The following EPS15L1 variants were observed in gnomAD, a reference collection of about 807,000 sequenced individuals.
EPS15L1 encodes epidermal growth factor receptor substrate 15-like 1.
EPS15L1 carries 43 observed loss-of-function variants against 117.1 expected under a neutral mutation model. The ratio of observed to expected loss-of-function variants is 0.37; its 90% CI spans 0.29 to 0.47. The LOEUF is 0.47. Ranked by LOEUF, EPS15L1 falls within the 20% of genes least tolerant of loss-of-function variation. EPS15L1 has a pLI of 0.99. For synonymous variants in EPS15L1, 459 were observed against 470.5 expected, an observed-to-expected ratio of 0.98 and a Z score of 0.32; for missense variants, 981 against 1,164.0, an observed-to-expected ratio of 0.84 and a Z score of 2.29.
intron 7 of EPS15L1, 89 bp downstream of exon 7, chr19:16,434,276 C>T (rs1278877129): frequency 6.6e-6 from 10 of 1,509,028 alleles, no homozygotes; most frequent in Non-Finnish European, 8.9e-6. Flanking sequence ...GAGCAAGAGC[C>T]TTGTAAGCAC....
At position 16,365,924 on chromosome 19, in the gene EPS15L1, T is replaced by A. The variant is rs2092126964; in HGVS notation, c.2381-3940A>T. Among the ~76,000 whole-genome samples, 1 of 152,136 alleles carries A rather than the reference T, an allele frequency of 6.6e-6. No homozygotes were observed. The highest frequency in any genetic ancestry group is 1.5e-5 in the Non-Finnish European group (1 of 68,024). On this transcript the variant is annotated intron_variant, in intron 22 of 23. Coordinates refer to ENST00000455140, the MANE Select transcript of EPS15L1 (RefSeq NM_001258374.3). This position sits in a 1 kb window ranked among gnomAD's most constrained non-coding sequence, Gnocchi z 4.9. ...GAACCAGGTGCCACCTGTTACAGATTCCACGGGTCTCCAGGGACCTGGGGC... is the reference window on the plus strand; with the variant it reads ...GAACCAGGTGCCACCTGTTACAGATACCACGGGTCTCCAGGGACCTGGGGC...
chr19:16,418,108 G>C lies in EPS15L1; in HGVS notation c.951-4C>G, dbSNP rs1390960202. 6.2e-7 allele frequency: 1 copy of C among 1,610,640 alleles called. No homozygotes were observed. Among genetic ancestry groups the C allele is most frequent in the East Asian group, 2.2e-5 (1 of 44,850 alleles). ...TTGCCTCGTATCGGCCAGGGCCCTG[G>C]GAGAAACGTGGGGATGCTAATTACA... On this transcript the variant is annotated splice_polypyrimidine_tract_variant and splice_region_variant and intron_variant, in intron 10 of 23. Transcript: ENST00000455140.
At chr19:16,432,072 C>T (rs767766723) in intron 7 of EPS15L1, among the ~76,000 whole-genome samples, 1 of 152,152 alleles carries the variant, frequency 6.6e-6, no homozygotes, top group South Asian at 2.1e-4. Flanking sequence ...GCCCTGGAAC[C>T]AATCCCCCTA....
intron 1 of EPS15L1, among the ~76,000 whole-genome samples, chr19:16,462,112 G>C (rs912766931): frequency 6.6e-6 from 1 of 152,174 alleles, no homozygotes; most frequent in African/African-American, 2.4e-5. Context: ...TCAGACGCCT[G>C]TTCTCCATGG....
At chr19:16,407,415 C>T (rs932341741) in intron 13 of EPS15L1, among the ~76,000 whole-genome samples, 2 of 152,188 alleles carry the variant, frequency 1.3e-5, no homozygotes, top group East Asian at 3.8e-4. Flanking sequence ...AAGGGATTCT[C>T]GTGCCTCAGT....
At chr19:16,413,913 G>T in intron 12 of EPS15L1, 68 bp from the exon 13 acceptor site, 1 of 1,214,436 alleles carries the variant, frequency 8.2e-7, no homozygotes, top group Non-Finnish European at 1.2e-6. Context: ...CCCAAGGCCT[G>T]ATTCTGTTCA....
intron 1 of EPS15L1, among the ~76,000 whole-genome samples, chr19:16,451,321 C>T (rs1321269891): frequency 6.6e-6 from 1 of 152,078 alleles, no homozygotes; most frequent in Non-Finnish European, 1.5e-5. Flanking sequence ...TCTTTAAAGA[C>T]TTAGGAAACC....
At chr19:16,415,573 T>G (rs1568431818) in intron 12 of EPS15L1, among the ~76,000 whole-genome samples, 1 of 152,224 alleles carries the variant, frequency 6.6e-6, no homozygotes, top group Non-Finnish European at 1.5e-5. Context: ...GGACCTGACA[T>G]GCCCTTGCTG....
intron 21 of EPS15L1, among the ~76,000 whole-genome samples, chr19:16,379,463 C>A (rs920305454): frequency 6.6e-5 from 10 of 152,226 alleles, no homozygotes; most frequent in Non-Finnish European, 1.5e-4. Flanking sequence ...TACAAAGGCA[C>A]ACTCCCAGGG....
intron 1 of EPS15L1, among the ~76,000 whole-genome samples, chr19:16,458,112 C>T (rs993449666): frequency 6.6e-6 from 1 of 152,158 alleles, no homozygotes; most frequent in Non-Finnish European, 1.5e-5. Flanking sequence ...GGCCTCCTGT[C>T]GGGGTGTTCC....
At position 16,449,911 on chromosome 19, in the gene EPS15L1, T is replaced by C. The variant is rs1599669425; in HGVS notation, c.34-7692A>G. Among the ~76,000 whole-genome samples, 4 of 152,302 alleles carry C rather than the reference T, an allele frequency of 2.6e-5. No individual in the cohort carries two copies. The South Asian group carries it at 8.3e-4, about 32-fold the overall frequency. ...CAAAGGCCAAACCTCAAAGGTTACA[T>C]ACTGAATAATTCCATCACATAACAT... On this transcript the variant is annotated intron_variant, in intron 1 of 23. Coordinates refer to ENST00000455140, the MANE Select transcript of EPS15L1 (RefSeq NM_001258374.3).
intron 20 of EPS15L1, among the ~76,000 whole-genome samples, chr19:16,385,944 C>T (rs1293617815): frequency 6.6e-6 from 1 of 152,208 alleles, no homozygotes; most frequent in Non-Finnish European, 1.5e-5. Flanking sequence ...TACTGAATTC[C>T]TACTGCCAAA....
rs148858396 is a variant in EPS15L1, at chr19:16,417,611, C to T, written c.1134G>A (p.Gly378=). The part of the protein sequence containing the change: ...GPDSSGSLGS[G]EFTGVKELDD... ...CAAGCTCCTTCACGCCAGTAAACTC[C>T]CCGGAGCCGAGAGAGCCTGAACTGT... is the stretch of plus-strand genomic sequence containing the variant. The change falls in exon 12 of 24, where the codon GGG becomes GGA. Residue 378 remains glycine (G), a synonymous_variant. Transcript: ENST00000455140. 2.6e-4 allele frequency: 415 copies of T among 1,614,194 alleles called. No homozygotes were observed. The African/African-American group carries it at 5.1e-3, about 20-fold the overall frequency.
chr19:16,358,115 C>T (rs2092006714), intron 23 of EPS15L1: 1 of 152,680 alleles, frequency 6.5e-6, no homozygotes, highest in Non-Finnish European at 1.5e-5. Context: ...GAACCACAGC[C>T]CTCTGGCCGC....
chr19:16,362,422 G>C (rs2092068178), intron 22 of EPS15L1, among the ~76,000 whole-genome samples: 2 of 150,084 alleles, frequency 1.3e-5, no homozygotes, highest in Non-Finnish European at 3.0e-5. Context: ...CAAATGAAAA[G>C]GAGGAATTAG....
chr19:16,468,878 T>G (rs533787986), intron 1 of EPS15L1, among the ~76,000 whole-genome samples: 1 of 152,236 alleles, frequency 6.6e-6, no homozygotes, highest in East Asian at 1.9e-4. Context: ...TAGCTGGGTA[T>G]GATTGGTGCT....
Position 16,471,893 on chromosome 19 carries a change from C to A in EPS15L1, c.33+20G>T, listed in dbSNP as rs777900950. ...GCGCCCCGCACCCCGGCGCCGCCCCCAGGCCCGCCCGGCCCGTACCTGCTG... is the reference window on the plus strand; with the variant it reads ...GCGCCCCGCACCCCGGCGCCGCCCCAAGGCCCGCCCGGCCCGTACCTGCTG... On this transcript the variant is annotated intron_variant, in intron 1 of 23. Coordinates refer to ENST00000455140, the MANE Select transcript of EPS15L1 (RefSeq NM_001258374.3). This position sits in a 1 kb window ranked among gnomAD's most constrained non-coding sequence, Gnocchi z 4.8. 1 of 1,302,104 alleles carries A rather than the reference C, an allele frequency of 7.7e-7. No homozygotes were observed. Among genetic ancestry groups the A allele is most frequent in the South Asian group, 2.2e-5 (1 of 46,482 alleles). The allele number at this position is 1,302,104 out of a possible 1,614,324, so 80.7% of individuals were successfully genotyped here.
chr19:16,412,447 C>G (rs1273450486), intron 13 of EPS15L1, among the ~76,000 whole-genome samples: 1 of 151,802 alleles, frequency 6.6e-6, no homozygotes, highest in East Asian at 1.9e-4. Flanking sequence ...TTGCAGTGAG[C>G]TGAGATCGTG....
intron 20 of EPS15L1, 63 bp downstream of exon 20, chr19:16,386,108 T>A: frequency 3.9e-6 from 5 of 1,278,776 alleles, no homozygotes; most frequent in Non-Finnish European, 5.7e-6. Flanking sequence ...AAGTGTTAAC[T>A]GCGGGGGAGC....
Sources: allele counts gnomAD v4.1 joint callset (sites outside exome capture counted in the v4.1 genomes callset), GRCh38; gene constraint gnomAD v4.1.1; non-coding constraint Gnocchi (gnomAD v3.1); transcripts MANE v1.5; gene names NCBI Gene and HGNC (gene_info 2026-07-23, HGNC 2026-07-21).